SSBP2: variants seen among roughly 807,000 people sequenced by gnomAD.
SSBP2 encodes the protein single-stranded DNA-binding protein 2.
A neutral mutation model predicts 61.8 loss-of-function variants in SSBP2; 17 were observed. The observed-to-expected ratio is 0.28, with a 90% confidence interval of 0.19 to 0.41. The LOEUF is 0.41. SSBP2 is among the 10% of genes least tolerant of loss of function. The pLI is 1.00. For synonymous variants in SSBP2, 139 were observed against 141.3 expected, an observed-to-expected ratio of 0.98 and a Z score of 0.12; for missense variants, 310 against 458.7, an observed-to-expected ratio of 0.68 and a Z score of 2.96.
intron 1 of SSBP2, among the ~76,000 whole-genome samples, chr5:81,654,627 A>C (rs1039993319): frequency 2.0e-5 from 3 of 152,294 alleles, no homozygotes; most frequent in East Asian, 1.9e-4. Flanking sequence ...GTAGCTTCAG[A>C]TTATGTATTT....
intron 5 of SSBP2, among the ~76,000 whole-genome samples, chr5:81,501,360 A>G (rs998260115): frequency 2.1e-5 from 3 of 146,172 alleles, no homozygotes; most frequent in African/African-American, 7.5e-5. Flanking sequence ...GCTGATAAAA[A>G]TTCAAATGGA....
At chr5:81,691,532 C>T (rs1753198734) in intron 1 of SSBP2, among the ~76,000 whole-genome samples, 1 of 150,976 alleles carries the variant, frequency 6.6e-6, no homozygotes, top group South Asian at 2.1e-4. Flanking sequence ...CCTGAACAGA[C>T]CAATAACAAG....
At chr5:81,571,901 C>A (rs748549916) in intron 4 of SSBP2, among the ~76,000 whole-genome samples, 1 of 152,054 alleles carries the variant, frequency 6.6e-6, no homozygotes, top group African/African-American at 2.4e-5. Context: ...TTTTAAATAA[C>A]CATGGAAATC....
At chr5:81,515,307 A>G (rs1464145539) in intron 4 of SSBP2, among the ~76,000 whole-genome samples, 1 of 151,998 alleles carries the variant, frequency 6.6e-6, no homozygotes, top group African/African-American at 2.4e-5. Context: ...CTTAGTATGA[A>G]AAGCTAGACA....
At chr5:81,557,546 C>T (rs73766267) in intron 4 of SSBP2, among the ~76,000 whole-genome samples, 9,469 of 152,130 alleles carry the variant, frequency 0.062, 995 homozygotes, top group African/African-American at 0.21. Flanking sequence ...AGTTTTAAGG[C>T]TTTTTCCCCT....
intron 1 of SSBP2, among the ~76,000 whole-genome samples, chr5:81,734,123 G>A (rs1756442564): frequency 2.6e-5 from 4 of 152,164 alleles, no homozygotes; most frequent in Admixed American, 2.6e-4. Context: ...AGCTACTTAA[G>A]TGAATTGGTA....
At chr5:81,551,330 T>C (rs1272549436) in intron 4 of SSBP2, among the ~76,000 whole-genome samples, 14 of 152,136 alleles carry the variant, frequency 9.2e-5, no homozygotes, top group Admixed American at 9.2e-4. Flanking sequence ...CTGATAATTT[T>C]ATTTGCAGAA....
At chr5:81,440,952 G>A (rs192744660) in intron 13 of SSBP2, among the ~76,000 whole-genome samples, 37 of 152,278 alleles carry the variant, frequency 2.4e-4, no homozygotes, top group Non-Finnish European at 4.4e-4. Context: ...TTTCCTCTAT[G>A]ATACTGACAA....
intron 4 of SSBP2, among the ~76,000 whole-genome samples, chr5:81,570,800 C>T (rs1204451782): frequency 6.6e-6 from 1 of 152,164 alleles, no homozygotes; most frequent in Non-Finnish European, 1.5e-5. Flanking sequence ...TAGGTCATTA[C>T]CCCTCCACAT....
At chr5:81,589,569 A>G (rs532100123) in intron 4 of SSBP2, among the ~76,000 whole-genome samples, 49 of 152,146 alleles carry the variant, frequency 3.2e-4, no homozygotes, top group Non-Finnish European at 5.4e-4. Context: ...CAGCAACTCT[A>G]TAAGATGAGT....
At chr5:81,719,950 T>C (rs980236070) in intron 1 of SSBP2, among the ~76,000 whole-genome samples, 1 of 151,828 alleles carries the variant, frequency 6.6e-6, no homozygotes, top group Non-Finnish European at 1.5e-5. Flanking sequence ...ATAAAGGAGG[T>C]AGCTGGCAGT....
intron 4 of SSBP2, among the ~76,000 whole-genome samples, chr5:81,559,410 C>G (rs946687574): frequency 4.1e-5 from 6 of 146,396 alleles, no homozygotes; most frequent in Admixed American, 6.8e-5. Context: ...AAAAAATTAG[C>G]TGGGCATGGT....
chr5:81,501,242 TATATATATATATATATATATATATATAC>T lies in SSBP2; in HGVS notation c.373-11961_373-11934del, dbSNP rs1188147487. Among the ~76,000 whole-genome samples, 33 of 53,362 alleles carry T rather than the reference TATATATATATATATATATATATATATAC, an allele frequency of 6.2e-4. 1 individual carries two copies. Among genetic ancestry groups the T allele is most frequent in the Admixed American group, 1.5e-3 (9 of 6,070 alleles). The allele number at this position is 53,362 out of a possible 152,430, so 35.0% of individuals were successfully genotyped here. A position where few individuals can be genotyped will look rare whatever the true frequency, so the allele number is the denominator to read the frequency against. On this transcript the variant is annotated intron_variant, in intron 5 of 16. Transcript: ENST00000320672. ...ATATATATATATATATATATATATA[TATATATATATATATATATATATATATAC>T]ACACACACACACATGCACATACACC...
At chr5:81,719,899 A>C (rs1346768452) in intron 1 of SSBP2, among the ~76,000 whole-genome samples, 1 of 152,022 alleles carries the variant, frequency 6.6e-6, no homozygotes. Flanking sequence ...CTGGGGTGTA[A>C]GTTAGGGTAG....
chr5:81,695,379 T>A (rs992450266), intron 1 of SSBP2, among the ~76,000 whole-genome samples: 1 of 152,198 alleles, frequency 6.6e-6, no homozygotes, highest in African/African-American at 2.4e-5. Flanking sequence ...CTTTAAGTTC[T>A]AGGGTACATG....
intron 3 of SSBP2, among the ~76,000 whole-genome samples, chr5:81,624,913 A>G (rs1242059350): frequency 3.3e-5 from 5 of 152,316 alleles, no homozygotes; most frequent in Non-Finnish European, 5.9e-5. Flanking sequence ...GCTGCCATAC[A>G]CTGCCCAAGA....
intron 6 of SSBP2, among the ~76,000 whole-genome samples, chr5:81,481,230 G>A (rs1386940991): frequency 6.6e-6 from 1 of 152,148 alleles, no homozygotes; most frequent in African/African-American, 2.4e-5. Flanking sequence ...CATTTAGAAT[G>A]GTGAATTATT....
chr5:81,575,532 C>CTAA (rs1006218738), intron 4 of SSBP2, among the ~76,000 whole-genome samples: 1 of 151,502 alleles, frequency 6.6e-6, no homozygotes, highest in Admixed American at 6.6e-5. Context: ...TAAAAACAAG[C>CTAA]TAATGGTGGG....
Position 81,418,649 on chromosome 5 carries a change from T to C in SSBP2, c.*1855A>G, listed in dbSNP as rs1761425147. On this transcript the variant is annotated 3_prime_UTR_variant, in exon 17 of 17. Coordinates refer to ENST00000320672, the MANE Select transcript of SSBP2 (RefSeq NM_012446.5). ...TAGGCTCCTACACACCTAGGCTATA[T>C]AATATAAACTATTGCTCCTAGGCTA... 1 of 152,180 alleles carries C rather than the reference T, an allele frequency of 6.6e-6. No homozygotes were observed. The highest frequency in any genetic ancestry group is 1.5e-5 in the Non-Finnish European group (1 of 68,022). The allele number at this position is 152,180 out of a possible 1,614,324, so 9.4% of individuals were successfully genotyped here.
Sources: gnomAD v4.1 joint callset for allele counts (sites outside exome capture counted in the v4.1 genomes callset) on GRCh38, gnomAD v4.1.1 for gene constraint, MANE v1.5 for transcripts, NCBI Gene and HGNC (gene_info 2026-07-23, HGNC 2026-07-21) for gene names.